The following LHFPL6 variants were observed in gnomAD, a reference collection of about 807,000 sequenced individuals.
The protein encoded by LHFPL6 is LHFPL tetraspan subfamily member 6, also known as LHFPL tetraspan subfamily member 6 protein.
In LHFPL6, 9 loss-of-function variants were observed where a neutral mutation model predicts 20.6. The observed-to-expected ratio is 0.44, with a 90% CI of 0.26 to 0.76. The LOEUF is 0.76. LHFPL6 is among the 30% of genes least tolerant of loss of function. LHFPL6 has a pLI of 0.20. For missense variants in LHFPL6, 218 were observed against 253.5 expected (o/e 0.86, Z 0.95); for synonymous variants, 105 against 98.7 (o/e 1.06, Z -0.38).
At chr13:39,584,030 T>A (rs1241866454) in intron 2 of LHFPL6, among the ~76,000 whole-genome samples, 1 of 152,182 alleles carries the variant, frequency 6.6e-6, no homozygotes, top group Non-Finnish European at 1.5e-5. Context: ...GGCACCCTTC[T>A]AGGTCATGCC....
chr13:39,348,762 G>C (rs754846824), intron 3 of LHFPL6, among the ~76,000 whole-genome samples: 1 of 152,146 alleles, frequency 6.6e-6, no homozygotes, highest in African/African-American at 2.4e-5. Flanking sequence ...TATCCCCTGA[G>C]AGAGGCAGAG....
At chr13:39,535,576 C>T (rs7986879) in intron 2 of LHFPL6, among the ~76,000 whole-genome samples, 135,916 of 152,236 alleles carry the variant, frequency 0.89, 61,049 homozygotes, top group Non-Finnish European at 0.94. Context: ...AAGGTCATCA[C>T]ATATCACCAA....
At chr13:39,398,318 T>C (rs1268424211) in intron 2 of LHFPL6, among the ~76,000 whole-genome samples, 3 of 152,218 alleles carry the variant, frequency 2.0e-5, no homozygotes, top group Non-Finnish European at 4.4e-5. Flanking sequence ...GAATAGTAAA[T>C]TTCTTTGAGC....
At chr13:39,455,234 C>T (rs1373100772) in intron 2 of LHFPL6, among the ~76,000 whole-genome samples, 2 of 152,084 alleles carry the variant, frequency 1.3e-5, no homozygotes, top group Non-Finnish European at 2.9e-5. Context: ...GTTCTGGGCG[C>T]CCAGAGCATG....
chr13:39,470,604 G>C (rs2138436253), intron 2 of LHFPL6, among the ~76,000 whole-genome samples: 1 of 152,064 alleles, frequency 6.6e-6, no homozygotes, highest in African/African-American at 2.4e-5. Context: ...ACTAAGCAAA[G>C]GAATGAGTAC....
intron 2 of LHFPL6, among the ~76,000 whole-genome samples, chr13:39,470,378 T>G (rs1007736826): frequency 6.6e-6 from 1 of 152,186 alleles, no homozygotes; most frequent in Non-Finnish European, 1.5e-5. Context: ...GTTCATTTTT[T>G]TTCACATTAT....
chr13:39,362,625 A>C (rs1005328901), intron 3 of LHFPL6, among the ~76,000 whole-genome samples: 3 of 152,164 alleles, frequency 2.0e-5, no homozygotes, highest in East Asian at 1.9e-4. Context: ...TTTATTCTGT[A>C]ATTTTCCTCA....
At chr13:39,350,462 C>T (rs747409610) in intron 3 of LHFPL6, among the ~76,000 whole-genome samples, 3 of 152,198 alleles carry the variant, frequency 2.0e-5, no homozygotes, top group Non-Finnish European at 4.4e-5. Context: ...AGTGTTTCTG[C>T]ATACTCTTCA....
chr13:39,347,305 T>G (rs1022110129), intron 3 of LHFPL6, among the ~76,000 whole-genome samples: 2 of 152,092 alleles, frequency 1.3e-5, no homozygotes, highest in East Asian at 1.9e-4. Flanking sequence ...AAATTCTACT[T>G]CCAGATCGTG....
intron 2 of LHFPL6, among the ~76,000 whole-genome samples, chr13:39,483,471 TTCC>T (rs1434831971): frequency 6.6e-6 from 1 of 150,662 alleles, no homozygotes; most frequent in Non-Finnish European, 1.5e-5. Flanking sequence ...AACTCCTGTC[TTCC>T]TCATTACAAT....
At chr13:39,381,875 G>C (rs1870445880) in intron 2 of LHFPL6, among the ~76,000 whole-genome samples, 1 of 151,244 alleles carries the variant, frequency 6.6e-6, no homozygotes, top group Non-Finnish European at 1.5e-5. Context: ...CCAGAAGTGA[G>C]GTACAGAAAC....
intron 2 of LHFPL6, among the ~76,000 whole-genome samples, chr13:39,452,814 C>T (rs1465259624): frequency 6.6e-6 from 1 of 152,232 alleles, no homozygotes; most frequent in Non-Finnish European, 1.5e-5. Flanking sequence ...GACAGCCACT[C>T]CATTTAAAAA....
intron 3 of LHFPL6, among the ~76,000 whole-genome samples, chr13:39,376,177 A>C (rs1227618335): frequency 6.6e-6 from 1 of 152,174 alleles, no homozygotes; most frequent in Non-Finnish European, 1.5e-5. Context: ...ACACAATAAC[A>C]ACAGGTCAGC....
chr13:39,351,651 T>C (rs1170370500), intron 3 of LHFPL6, among the ~76,000 whole-genome samples: 2 of 152,322 alleles, frequency 1.3e-5, no homozygotes, highest in East Asian at 3.9e-4. Context: ...ATTTGAGTCC[T>C]TGTGGATGAA....
intron 2 of LHFPL6, among the ~76,000 whole-genome samples, chr13:39,451,257 T>A (rs1452643435): frequency 6.6e-6 from 1 of 152,228 alleles, no homozygotes; most frequent in African/African-American, 2.4e-5. Context: ...TTGTTCATAT[T>A]TCTGTTAAAA....
chr13:39,498,766 T>C (rs1004771216), intron 2 of LHFPL6, among the ~76,000 whole-genome samples: 2 of 152,220 alleles, frequency 1.3e-5, no homozygotes, highest in African/African-American at 2.4e-5. Context: ...TACCTCTCTG[T>C]CCACAGAGAT....
At chr13:39,527,397 C>T (rs1363938966) in intron 2 of LHFPL6, among the ~76,000 whole-genome samples, 1 of 151,968 alleles carries the variant, frequency 6.6e-6, no homozygotes, top group Non-Finnish European at 1.5e-5. Flanking sequence ...ACCACTAGCA[C>T]AGTCCTCAGG....
chr13:39,466,036 G>T (rs531461615), intron 2 of LHFPL6, among the ~76,000 whole-genome samples: 3 of 152,236 alleles, frequency 2.0e-5, no homozygotes, highest in African/African-American at 7.2e-5. Flanking sequence ...TGCGCTCTTG[G>T]AAAATCACTC....
chr13:39,451,434 T>C (rs1417556713), intron 2 of LHFPL6, among the ~76,000 whole-genome samples: 1 of 152,212 alleles, frequency 6.6e-6, no homozygotes. Context: ...TTTATAATCA[T>C]TGTTAACCTT....
Sources: allele counts gnomAD v4.1 joint callset (sites outside exome capture counted in the v4.1 genomes callset), GRCh38; gene constraint gnomAD v4.1.1; transcripts MANE v1.5; gene names NCBI Gene and HGNC (gene_info 2026-07-23, HGNC 2026-07-21).